SORCS3: variants seen among roughly 807,000 people sequenced by gnomAD.
The protein encoded by SORCS3 is sortilin related VPS10 domain containing receptor 3, also known as VPS10 domain-containing receptor SorCS3.
In SORCS3, 57 loss-of-function variants were observed where a neutral mutation model predicts 146.3. The ratio of observed to expected loss-of-function variants is 0.39; its 90% confidence interval spans 0.31 to 0.49. SORCS3 has a LOEUF of 0.49. SORCS3 is among the 20% of genes least tolerant of loss of function. The pLI, the probability that SORCS3 is intolerant of heterozygous loss-of-function variation, is 0.92. For missense variants in SORCS3, 1,341 were observed against 1,575.5 expected, an observed-to-expected ratio of 0.85 and a Z score of 2.52; for synonymous variants, 653 against 618.5, an observed-to-expected ratio of 1.06 and a Z score of -0.83.
At chr10:104,684,781 T>G (rs933225301) in intron 1 of SORCS3, among the ~76,000 whole-genome samples, 1 of 3,504 alleles carries the variant, frequency 2.9e-4, no homozygotes, top group African/African-American at 9.5e-4. Flanking sequence ...TCCTCAGTGT[T>G]TTTTTTTTTT....
chr10:105,195,143 A>G (rs2056537037), intron 14 of SORCS3, among the ~76,000 whole-genome samples: 2 of 152,178 alleles, frequency 1.3e-5, no homozygotes, highest in Non-Finnish European at 2.9e-5. Flanking sequence ...TTGGGCTTTA[A>G]TATTCTATTG....
At chr10:104,830,657 A>G (rs1021420239) in intron 1 of SORCS3, among the ~76,000 whole-genome samples, 17 of 152,140 alleles carry the variant, frequency 1.1e-4, no homozygotes, top group Admixed American at 1.0e-3. Context: ...GAGTTTTAGA[A>G]ATGTAATTTG....
chr10:104,810,257 T>C (rs2017726018), intron 1 of SORCS3, among the ~76,000 whole-genome samples: 1 of 152,210 alleles, frequency 6.6e-6, no homozygotes, highest in Admixed American at 6.5e-5. Context: ...TGAAAACATA[T>C]AGTGAGGGAA....
At chr10:105,261,083 G>T (rs1456770617) in intron 25 of SORCS3, among the ~76,000 whole-genome samples, 1 of 152,198 alleles carries the variant, frequency 6.6e-6, no homozygotes. Context: ...ATAGCAGAGA[G>T]GATAGAAAAC....
chr10:104,777,670 C>A (rs1270729847), intron 1 of SORCS3, among the ~76,000 whole-genome samples: 1 of 152,154 alleles, frequency 6.6e-6, no homozygotes, highest in Non-Finnish European at 1.5e-5. Flanking sequence ...CACAGGACAA[C>A]CCTCACAACA....
intron 20 of SORCS3, among the ~76,000 whole-genome samples, chr10:105,243,224 C>A (rs947810969): frequency 8.6e-5 from 13 of 151,426 alleles, no homozygotes; most frequent in Non-Finnish European, 1.6e-4. Context: ...TGCCTAAATC[C>A]ATTTGTCAAT....
chr10:104,735,382 C>T (rs947201618), intron 1 of SORCS3, among the ~76,000 whole-genome samples: 12 of 143,954 alleles, frequency 8.3e-5, no homozygotes, highest in African/African-American at 3.1e-4. Flanking sequence ...TGTTCACTTT[C>T]AGGACTTTCA....
At chr10:105,049,672 T>G (rs1050663380) in intron 5 of SORCS3, among the ~76,000 whole-genome samples, 2 of 152,010 alleles carry the variant, frequency 1.3e-5, no homozygotes, top group East Asian at 1.9e-4. Flanking sequence ...TGCAGCAAAA[T>G]GGATGGAGCT....
At chr10:104,723,832 A>C (rs1426787753) in intron 1 of SORCS3, among the ~76,000 whole-genome samples, 1 of 152,004 alleles carries the variant, frequency 6.6e-6, no homozygotes, top group African/African-American at 2.4e-5. Flanking sequence ...TGCTTGGTAG[A>C]TCTTCCTCCA....
At chr10:104,668,855 C>T (rs2015816398) in intron 1 of SORCS3, among the ~76,000 whole-genome samples, 1 of 152,192 alleles carries the variant, frequency 6.6e-6, no homozygotes, top group East Asian at 1.9e-4. Context: ...TTCCCGAGAG[C>T]CTTATCAGAT....
chr10:105,148,134 C>T (rs927161445), intron 9 of SORCS3, among the ~76,000 whole-genome samples: 2 of 152,050 alleles, frequency 1.3e-5, no homozygotes, highest in Admixed American at 6.6e-5. Flanking sequence ...GCTTTGTAAA[C>T]TCTGTGTTGC....
At chr10:105,062,381 C>T (rs1670006) in intron 5 of SORCS3, among the ~76,000 whole-genome samples, 100,120 of 152,048 alleles carry the variant, frequency 0.66, 35,216 homozygotes, top group East Asian at 0.85. Flanking sequence ...ATAACAACAG[C>T]AATCTGTCTC....
chr10:104,678,952 G>C (rs1162803501), intron 1 of SORCS3, among the ~76,000 whole-genome samples: 1 of 152,158 alleles, frequency 6.6e-6, no homozygotes, highest in Non-Finnish European at 1.5e-5. Flanking sequence ...ACAAATATAG[G>C]TTCATTTACT....
chr10:104,816,022 C>T (rs2017793927), intron 1 of SORCS3, among the ~76,000 whole-genome samples: 1 of 152,156 alleles, frequency 6.6e-6, no homozygotes, highest in Non-Finnish European at 1.5e-5. Flanking sequence ...AGGGATAGCA[C>T]TGTTATAAAT....
intron 1 of SORCS3, among the ~76,000 whole-genome samples, chr10:104,714,607 T>C (rs1434966686): frequency 6.6e-6 from 1 of 152,268 alleles, no homozygotes; most frequent in Non-Finnish European, 1.5e-5. Context: ...CACTGTGGTC[T>C]GAGGACATAC....
intron 1 of SORCS3, among the ~76,000 whole-genome samples, chr10:104,732,625 C>G (rs1034009678): frequency 6.6e-5 from 10 of 152,178 alleles, no homozygotes; most frequent in Non-Finnish European, 1.2e-4. Flanking sequence ...AGCCTCTGCT[C>G]TTGCACGCGT....
chr10:105,240,190 A>G (rs1197169774), intron 20 of SORCS3, among the ~76,000 whole-genome samples: 2 of 152,214 alleles, frequency 1.3e-5, no homozygotes, highest in African/African-American at 4.8e-5. Context: ...CTGCTAGGAC[A>G]GGAAGAATTC....
At chr10:104,844,252 G>T (rs1335082961) in intron 2 of SORCS3, among the ~76,000 whole-genome samples, 1 of 152,076 alleles carries the variant, frequency 6.6e-6, no homozygotes, top group Non-Finnish European at 1.5e-5. Context: ...CAGGAAATTA[G>T]AACCTCAGAA....
chr10:105,031,045 AGCACTT>A (rs2055263024), intron 4 of SORCS3, among the ~76,000 whole-genome samples: 1 of 151,538 alleles, frequency 6.6e-6, no homozygotes. Flanking sequence ...CTGTAATCCC[AGCACTT>A]TGGGAGGCCG....
Sources: allele counts gnomAD v4.1 joint callset (sites outside exome capture counted in the v4.1 genomes callset), GRCh38; gene constraint gnomAD v4.1.1; transcripts MANE v1.5; gene names NCBI Gene and HGNC (gene_info 2026-07-23, HGNC 2026-07-21).